The following MEF2C variants were observed in gnomAD, a reference collection of about 807,000 sequenced individuals.
MEF2C encodes myocyte enhancer factor 2C.
A neutral mutation model predicts 50.5 loss-of-function variants in MEF2C; 6 were observed. The ratio of observed to expected loss-of-function variants is 0.12; its 90% CI spans 0.07 to 0.23. The LOEUF is 0.23. Among genes scored for constraint, MEF2C ranks in the 10% least tolerant of loss-of-function variants. The pLI is 1.00. For missense variants in MEF2C, 276 were observed against 605.0 expected, an observed-to-expected ratio of 0.46 and a Z score of 5.70; for synonymous variants, 183 against 228.0, an observed-to-expected ratio of 0.80 and a Z score of 1.78.
intron 1 of MEF2C, among the ~76,000 whole-genome samples, chr5:88,852,275 T>TA (rs964878381): frequency 4.6e-5 from 7 of 152,288 alleles, no homozygotes; most frequent in African/African-American, 7.2e-5. Context: ...CTATTTCTTC[T>TA]AAAAAATGTT....
intron 3 of MEF2C, among the ~76,000 whole-genome samples, chr5:88,774,727 G>A (rs956234361): frequency 5.3e-5 from 8 of 152,148 alleles, no homozygotes; most frequent in Non-Finnish European, 1.0e-4. Flanking sequence ...TGGATTTTAC[G>A]TTCAGTTGAC....
chr5:88,859,075 ATTG>A, intron 1 of MEF2C, among the ~76,000 whole-genome samples: 1 of 152,336 alleles, frequency 6.6e-6, no homozygotes, highest in Middle Eastern at 3.4e-3. Flanking sequence ...GAACTATATA[ATTG>A]TTATTTGTAT....
At chr5:88,838,612 C>A in intron 1 of MEF2C, 5 of 985,292 alleles carry the variant, frequency 5.1e-6, no homozygotes, top group Non-Finnish European at 6.0e-6. Context: ...ATCCCCAAAG[C>A]TTGAAGCAGT....
At chr5:88,830,704 A>G (rs1287449555) in intron 1 of MEF2C, among the ~76,000 whole-genome samples, 2 of 152,010 alleles carry the variant, frequency 1.3e-5, no homozygotes, top group Non-Finnish European at 2.9e-5. Flanking sequence ...TCAGGGTTCT[A>G]TCATGTCTTT....
chr5:88,893,031 A>G (rs990226588), intron 1 of MEF2C, among the ~76,000 whole-genome samples: 3 of 152,190 alleles, frequency 2.0e-5, no homozygotes, highest in Admixed American at 6.5e-5. Context: ...GGACTGTACC[A>G]TTTCTTGAAA....
At chr5:88,871,277 G>A (rs778459676) in intron 1 of MEF2C, among the ~76,000 whole-genome samples, 3 of 151,992 alleles carry the variant, frequency 2.0e-5, no homozygotes, top group Non-Finnish European at 4.4e-5. Flanking sequence ...AGTAGGGGGA[G>A]GGGGTTGCAG....
chr5:88,742,036 T>C, intron 6 of MEF2C: 1 of 985,400 alleles, frequency 1.0e-6, no homozygotes, highest in African/African-American at 1.7e-5. Flanking sequence ...ACTATGTAAG[T>C]GTAACTGCAA....
chr5:88,789,168 A>AT (rs1359867951), intron 3 of MEF2C, among the ~76,000 whole-genome samples: 4 of 151,352 alleles, frequency 2.6e-5, no homozygotes, highest in African/African-American at 9.7e-5. Flanking sequence ...CTTTTTTGTA[A>AT]TACTTTTTTT....
At position 88,741,632 on chromosome 5, in the gene MEF2C, G is replaced by T. The variant is rs539274883; in HGVS notation, c.637+7438C>A. The stretch of plus-strand genomic sequence containing the variant: ...TGTTTGAATATGTAAACTGGCCATA[G>T]ATTTAGTTTTCTCTTACTACTATAT... On this transcript the variant is annotated intron_variant, in intron 6 of 10. Coordinates refer to ENST00000504921, the MANE Select transcript of MEF2C (RefSeq NM_002397.5). 2.2e-4 allele frequency: 220 copies of T among 979,578 alleles called. No individual in the cohort carries two copies. In the African/African-American group the frequency reaches 3.7e-3, roughly 16 times the overall value. 60.7% of individuals were successfully genotyped at this position (979,578 alleles called of 1,614,324 possible).
At chr5:88,890,354 T>C (rs897196598) in intron 1 of MEF2C, among the ~76,000 whole-genome samples, 4 of 152,264 alleles carry the variant, frequency 2.6e-5, no homozygotes, top group Admixed American at 2.6e-4. Context: ...TGCAGATATC[T>C]GTGCTGTTCT....
chr5:88,803,469 G>A (rs1247915116), intron 3 of MEF2C, among the ~76,000 whole-genome samples: 1 of 152,156 alleles, frequency 6.6e-6, no homozygotes, highest in African/African-American at 2.4e-5. Flanking sequence ...TTTACAATGT[G>A]GAACCAGTCT....
intron 2 of MEF2C, among the ~76,000 whole-genome samples, chr5:88,810,601 A>G (rs985537416): frequency 3.9e-5 from 6 of 152,168 alleles, no homozygotes; most frequent in African/African-American, 1.4e-4. Context: ...AAAAGTGATG[A>G]AATCCTCATG....
At chr5:88,770,363 A>G (rs1781835613) in intron 3 of MEF2C, among the ~76,000 whole-genome samples, 1 of 152,174 alleles carries the variant, frequency 6.6e-6, no homozygotes, top group Non-Finnish European at 1.5e-5. Flanking sequence ...AAGTCAAATC[A>G]TTATTTTTAT....
chr5:88,898,963 T>C (rs1835374604), intron 1 of MEF2C, among the ~76,000 whole-genome samples: 1 of 152,182 alleles, frequency 6.6e-6, no homozygotes, highest in South Asian at 2.1e-4. Flanking sequence ...CTGACATAAA[T>C]AAATATATTA....
intron 3 of MEF2C, among the ~76,000 whole-genome samples, chr5:88,786,925 T>A (rs372857741): frequency 3.3e-5 from 5 of 152,348 alleles, no homozygotes; most frequent in East Asian, 3.9e-4. Flanking sequence ...TTTGTCTATA[T>A]CTTATTATGG....
At chr5:88,764,350 C>A (rs939460290) in intron 3 of MEF2C, among the ~76,000 whole-genome samples, 1 of 152,170 alleles carries the variant, frequency 6.6e-6, no homozygotes, top group Admixed American at 6.5e-5. Context: ...TATGGCCAAG[C>A]ATGATGGTCC....
At chr5:88,884,590 C>G (rs967911455), upstream of MEF2C, 1 of 151,776 alleles carries the variant, frequency 6.6e-6, no homozygotes, top group Non-Finnish European at 1.5e-5. Flanking sequence ...CCCCCTCCCC[C>G]CACTCTATCT....
At chr5:88,875,876 AG>A (rs1724779199) in intron 1 of MEF2C, among the ~76,000 whole-genome samples, 3 of 151,918 alleles carry the variant, frequency 2.0e-5, no homozygotes, top group African/African-American at 4.8e-5. Context: ...GTCTGCAGCC[AG>A]GAAGTTTTCA....
chr5:88,728,330 G>A (rs1372671355), intron 10 of MEF2C, among the ~76,000 whole-genome samples, 163 bp downstream of exon 10: 1 of 152,082 alleles, frequency 6.6e-6, no homozygotes, highest in Admixed American at 6.6e-5. Context: ...AGGTATATAA[G>A]ATTTAAGCTA....
Sources: gnomAD v4.1 joint callset for allele counts (sites outside exome capture counted in the v4.1 genomes callset) on GRCh38, gnomAD v4.1.1 for gene constraint, MANE v1.5 for transcripts, NCBI Gene and HGNC (gene_info 2026-07-23, HGNC 2026-07-21) for gene names.